Variants in ITPR2 observed in about 807,000 individuals in gnomAD.
ITPR2 encodes inositol 1,4,5-trisphosphate receptor type 2, also known as inositol 1,4,5-trisphosphate-gated calcium channel ITPR2.
ITPR2 carries 207 observed loss-of-function variants against 317.1 expected under a neutral mutation model. That is an observed-to-expected ratio of 0.65 (90% CI 0.58 to 0.73). The LOEUF is 0.73. Ranked by LOEUF, ITPR2 falls within the 30% of genes least tolerant of loss-of-function variation. The pLI is 0.00. For synonymous variants in ITPR2, 1,156 were observed against 1,149.1 expected, an observed-to-expected ratio of 1.01 and a Z score of -0.12; for missense variants, 2,613 against 3,284.0, an observed-to-expected ratio of 0.80 and a Z score of 4.99.
chr12:26,650,077 G>A (rs1591997510), intron 21 of ITPR2, among the ~76,000 whole-genome samples: 1 of 142,632 alleles, frequency 7.0e-6, no homozygotes, highest in African/African-American at 2.5e-5. Context: ...TCAGATTGCT[G>A]AAAGAATAAT....
intron 37 of ITPR2, among the ~76,000 whole-genome samples, chr12:26,545,513 A>T (rs1591882084): frequency 6.6e-6 from 1 of 152,300 alleles, no homozygotes; most frequent in East Asian, 1.9e-4. Context: ...ACTCTCCCCT[A>T]GAGTCTGCAG....
intron 55 of ITPR2, among the ~76,000 whole-genome samples, chr12:26,353,279 C>A (rs942006103): frequency 6.6e-6 from 1 of 152,146 alleles, no homozygotes; most frequent in African/African-American, 2.4e-5. Flanking sequence ...TGATCAAAGT[C>A]CTCGATCATG....
At chr12:26,407,377 A>G (rs1940387941) in intron 52 of ITPR2, among the ~76,000 whole-genome samples, 1 of 152,050 alleles carries the variant, frequency 6.6e-6, no homozygotes, top group Non-Finnish European at 1.5e-5. Context: ...GTCCTGTGCA[A>G]TGTGGGATGC....
Position 26,436,300 on chromosome 12 carries a change from C to A in ITPR2, c.6690G>T (p.Gly2230=). Residue 2230 remains glycine (G), a synonymous_variant, in exon 48 of 57, where the codon GGG becomes GGT. Coordinates refer to ENST00000381340, the MANE Select transcript of ITPR2 (RefSeq NM_002223.4). The part of the protein sequence containing the change: ...FWFSRHISLW[G]SISFNLAVFI... ...ACACAGCCAGGTTGAAGGAAATGCT[C>A]CCCCAGAGAGAGATGTGCCTCGAGA... The A allele has an allele frequency of 6.2e-7, 1 of 1,613,072 alleles. No homozygotes were observed. Among genetic ancestry groups the A allele is most frequent in the Non-Finnish European group, 8.5e-7 (1 of 1,179,456 alleles).
chr12:26,561,811 G>T lies in ITPR2; in HGVS notation c.4772C>A (p.Ala1591Asp). The T allele has an allele frequency of 6.3e-7, 1 of 1,591,220 alleles. No individual in the cohort carries two copies. Among genetic ancestry groups the T allele is most frequent in the Non-Finnish European group, 8.5e-7 (1 of 1,174,040 alleles). ...GTAATCCCAAGCAGGCCCTCCAAGA[G>T]CTTCCTTAAAGCGTGGCCCAGAGCG... is the stretch of plus-strand genomic sequence containing the variant. ...SARSGPRFKEALGGPAWDYRN... is the reference protein window; with the variant it reads ...SARSGPRFKEDLGGPAWDYRN... Residue 1591 changes from alanine to aspartate, a missense_variant, in exon 35 of 57, where the codon GCT becomes GAT. Transcript: ENST00000381340.
intron 37 of ITPR2, among the ~76,000 whole-genome samples, chr12:26,541,409 T>C (rs1944258114): frequency 6.6e-6 from 1 of 152,222 alleles, no homozygotes; most frequent in African/African-American, 2.4e-5. Flanking sequence ...GCATCACTAA[T>C]ATTTGATTTA....
chr12:26,436,278 C>A lies in ITPR2; in HGVS notation c.6712G>T (p.Val2238Leu). The change falls in exon 48 of 57, where the codon GTG (valine) becomes TTG (leucine). Residue 2238 changes from valine (V) to leucine (L), a missense_variant. Transcript: ENST00000381340. ...AGAGCAACAGCTAAATTGATGAACA[C>A]AGCCAGGTTGAAGGAAATGCTCCCC... Reference protein sequence around the residue: ...LWGSISFNLAVFINLAVALFY... With the variant: ...LWGSISFNLALFINLAVALFY... The A allele has an allele frequency of 6.2e-7, 1 of 1,613,370 alleles. No individual in the cohort carries two copies. The highest frequency in any genetic ancestry group is 8.5e-7 in the Non-Finnish European group (1 of 1,179,646).
intron 46 of ITPR2, among the ~76,000 whole-genome samples, chr12:26,442,689 A>T (rs1941513778): frequency 6.6e-6 from 1 of 152,150 alleles, no homozygotes; most frequent in Admixed American, 6.6e-5. Flanking sequence ...GGTACTATTA[A>T]TGTTTACAAA....
intron 42 of ITPR2, among the ~76,000 whole-genome samples, chr12:26,481,458 A>G (rs1473475990): frequency 6.6e-6 from 1 of 152,232 alleles, no homozygotes. Context: ...TGAGCGAGAC[A>G]CTGCATGAAG....
intron 34 of ITPR2, among the ~76,000 whole-genome samples, chr12:26,563,717 G>A (rs540327453): frequency 2.0e-5 from 3 of 152,222 alleles, no homozygotes; most frequent in East Asian, 1.9e-4. Flanking sequence ...ATGCATGCAC[G>A]CACACAAACA....
intron 10 of ITPR2, among the ~76,000 whole-genome samples, chr12:26,691,646 C>T (rs931611315): frequency 1.3e-5 from 2 of 152,120 alleles, no homozygotes; most frequent in African/African-American, 4.8e-5. Context: ...CTTCTCCTGC[C>T]GTCCTGGGGC....
chr12:26,613,659 C>T (rs575967411), intron 26 of ITPR2, among the ~76,000 whole-genome samples: 2 of 152,154 alleles, frequency 1.3e-5, no homozygotes, highest in East Asian at 3.9e-4. Flanking sequence ...GGCATAGAGT[C>T]AGGAATACCT....
chr12:26,432,666 T>C (rs1397118535), intron 48 of ITPR2, among the ~76,000 whole-genome samples: 1 of 151,372 alleles, frequency 6.6e-6, no homozygotes, highest in Non-Finnish European at 1.5e-5. Context: ...TACATTTTAT[T>C]AATTGGAATA....
At chr12:26,561,447 G>C (rs1404977539) in intron 35 of ITPR2, among the ~76,000 whole-genome samples, 1 of 152,118 alleles carries the variant, frequency 6.6e-6, no homozygotes, top group Non-Finnish European at 1.5e-5. Context: ...TAAAACATAA[G>C]TTGAAGCAAG....
At chr12:26,468,239 T>C (rs191040320) in intron 45 of ITPR2, among the ~76,000 whole-genome samples, 2 of 152,272 alleles carry the variant, frequency 1.3e-5, no homozygotes, top group Non-Finnish European at 2.9e-5. Context: ...GGAGATATTC[T>C]ATTAGTAAAA....
At chr12:26,713,834 T>C (rs1948693032) in intron 8 of ITPR2, among the ~76,000 whole-genome samples, 2 of 152,218 alleles carry the variant, frequency 1.3e-5, no homozygotes, top group African/African-American at 2.4e-5. Context: ...TGAAAATGCA[T>C]GCTTTAATTA....
At chr12:26,770,099 T>G (rs1335475764) in intron 2 of ITPR2, among the ~76,000 whole-genome samples, 2 of 152,252 alleles carry the variant, frequency 1.3e-5, no homozygotes, top group African/African-American at 2.4e-5. Flanking sequence ...TCTGTTGTAC[T>G]GTTATAAGGA....
intron 55 of ITPR2, among the ~76,000 whole-genome samples, chr12:26,384,242 T>C (rs1199590054): frequency 2.6e-5 from 4 of 152,238 alleles, no homozygotes; most frequent in South Asian, 4.1e-4. Flanking sequence ...AAGGCCATCA[T>C]TTCCACAGAG....
chr12:26,354,040 G>A (rs780601293), intron 55 of ITPR2, among the ~76,000 whole-genome samples: 11 of 152,130 alleles, frequency 7.2e-5, no homozygotes, highest in Admixed American at 3.3e-4. Context: ...TTGGGAGGCC[G>A]AGGCAGGTGG....
Sources: allele counts gnomAD v4.1 joint callset (sites outside exome capture counted in the v4.1 genomes callset), GRCh38; gene constraint gnomAD v4.1.1; transcripts MANE v1.5; gene names NCBI Gene and HGNC (gene_info 2026-07-23, HGNC 2026-07-21).